CFAP90: variants seen among roughly 807,000 people sequenced by gnomAD.
The protein encoded by CFAP90 is cilia- and flagella-associated protein 90.
At chr5:7,832,270 G>A in the CFAP90 span, among the ~76,000 whole-genome samples, 19 of 152,038 alleles carry the variant, frequency 1.2e-4, no homozygotes, top group Non-Finnish European at 2.1e-4. Context: ...AAACTGTGCC[G>A]GACCATTTGC....
the CFAP90 span, among the ~76,000 whole-genome samples, chr5:7,832,649 G>A: frequency 2.0e-4 from 30 of 152,078 alleles, no homozygotes; most frequent in South Asian, 1.3e-3. Flanking sequence ...CACCACGCTC[G>A]GCTAGTTTTT....
the CFAP90 span, chr5:7,850,799 GCCGCCCA>G: frequency 7.5e-6 from 2 of 265,580 alleles, no homozygotes; most frequent in East Asian, 1.9e-4. Flanking sequence ...CAGCCGCCCA[GCCGCCCA>G]GCCGCCCAGC....
chr5:7,839,215 C>T, the CFAP90 span, among the ~76,000 whole-genome samples: 3,097 of 152,278 alleles, frequency 0.02, 99 homozygotes, highest in African/African-American at 0.07. Flanking sequence ...GTACTGGGTT[C>T]CTCCCACGAC....
chr5:7,845,829 G>A, the CFAP90 span, among the ~76,000 whole-genome samples: 33 of 151,902 alleles, frequency 2.2e-4, 1 homozygote, highest in South Asian at 6.7e-3. Context: ...ACAATTCAGA[G>A]GCATTACTGG....
chr5:7,843,088 C>T, the CFAP90 span, among the ~76,000 whole-genome samples: 21 of 152,246 alleles, frequency 1.4e-4, no homozygotes, highest in East Asian at 3.5e-3. Flanking sequence ...TGAGGCTTTC[C>T]GTGAGTTTGC....
chr5:7,846,638 T>C, the CFAP90 span, among the ~76,000 whole-genome samples: 207 of 152,358 alleles, frequency 1.4e-3, 3 homozygotes, highest in African/African-American at 4.7e-3. Flanking sequence ...TTTCAACATA[T>C]GTATTTGGGG....
At chr5:7,843,848 G>C in the CFAP90 span, among the ~76,000 whole-genome samples, 1 of 152,212 alleles carries the variant, frequency 6.6e-6, no homozygotes, top group Non-Finnish European at 1.5e-5. Context: ...AAAAGGGCAA[G>C]CTGCAATATA....
At chr5:7,842,377 G>A in the CFAP90 span, among the ~76,000 whole-genome samples, 1 of 151,074 alleles carries the variant, frequency 6.6e-6, no homozygotes, top group Non-Finnish European at 1.5e-5. Flanking sequence ...CAGGGGTAAT[G>A]CTATGTGCTC....
the CFAP90 span, among the ~76,000 whole-genome samples, chr5:7,849,876 C>T: frequency 1.2e-4 from 18 of 151,930 alleles, no homozygotes; most frequent in African/African-American, 4.1e-4. Flanking sequence ...GCAAGGCCTT[C>T]TTTCCTTGCT....
At chr5:7,841,702 A>G in the CFAP90 span, among the ~76,000 whole-genome samples, 1 of 152,194 alleles carries the variant, frequency 6.6e-6, no homozygotes, top group Non-Finnish European at 1.5e-5. Flanking sequence ...GGAGGCCATT[A>G]TCCTTAAAAA....
At chr5:7,835,676 C>T in the CFAP90 span, among the ~76,000 whole-genome samples, 1 of 151,996 alleles carries the variant, frequency 6.6e-6, no homozygotes, top group African/African-American at 2.4e-5. Flanking sequence ...CAGGGAGAAG[C>T]CCAGGCCTCA....
the CFAP90 span, among the ~76,000 whole-genome samples, chr5:7,833,399 T>C: frequency 3.3e-5 from 5 of 152,000 alleles, no homozygotes; most frequent in Non-Finnish European, 7.4e-5. Context: ...CACATCCACC[T>C]ACATATGCAT....
the CFAP90 span, among the ~76,000 whole-genome samples, chr5:7,849,708 A>G: frequency 6.6e-6 from 1 of 152,158 alleles, no homozygotes; most frequent in African/African-American, 2.4e-5. Flanking sequence ...ATCCCATCCC[A>G]GGAAATGCAC....
chr5:7,836,925 T>C, the CFAP90 span, among the ~76,000 whole-genome samples: 1 of 152,090 alleles, frequency 6.6e-6, no homozygotes, highest in Non-Finnish European at 1.5e-5. Context: ...GCCTTCTTCT[T>C]GAGGCCAGAG....
At chr5:7,849,447 C>T in the CFAP90 span, among the ~76,000 whole-genome samples, 2 of 152,164 alleles carry the variant, frequency 1.3e-5, no homozygotes, top group Non-Finnish European at 2.9e-5. Flanking sequence ...CCACTCAAGC[C>T]ACCAGGACAG....
chr5:7,836,477 G>A, the CFAP90 span, among the ~76,000 whole-genome samples: 7 of 152,150 alleles, frequency 4.6e-5, no homozygotes, highest in Non-Finnish European at 8.8e-5. Flanking sequence ...TAATGTGCAT[G>A]GGGGACATCT....
At chr5:7,845,120 G>A in the CFAP90 span, among the ~76,000 whole-genome samples, 1 of 152,180 alleles carries the variant, frequency 6.6e-6, no homozygotes, top group African/African-American at 2.4e-5. Context: ...GAGACAGAGA[G>A]AGAGCAAAGA....
the CFAP90 span, chr5:7,850,998 G>A: frequency 7.8e-7 from 1 of 1,284,446 alleles, no homozygotes; most frequent in Non-Finnish European, 9.8e-7. Context: ...TGGACGCGGT[G>A]GTCTCCTCCT....
At chr5:7,842,483 A>G in the CFAP90 span, among the ~76,000 whole-genome samples, 323 of 151,944 alleles carry the variant, frequency 2.1e-3, no homozygotes, top group Non-Finnish European at 3.6e-3. Flanking sequence ...GACTCCAGTA[A>G]ATACTACTTC....
Sources: allele counts gnomAD v4.1 joint callset (sites outside exome capture counted in the v4.1 genomes callset), GRCh38; gene constraint gnomAD v4.1.1; transcripts MANE v1.5; gene names NCBI Gene and HGNC (gene_info 2026-07-23, HGNC 2026-07-21).